The following TEX9 variants were observed in gnomAD, a reference collection of about 807,000 sequenced individuals.
TEX9 encodes testis-expressed protein 9.
A neutral mutation model predicts 59.6 loss-of-function variants in TEX9; 74 were observed. The observed-to-expected ratio is 1.24, with a 90% confidence interval of 1.03 to 1.51. The LOEUF is 1.51. Among genes scored for constraint, TEX9 ranks in the 40% most tolerant of loss-of-function variants. The pLI, the probability that TEX9 is intolerant of heterozygous loss-of-function variation, is 0.00. For missense variants in TEX9, 522 were observed against 447.8 expected, an observed-to-expected ratio of 1.17 and a Z score of -1.49; for synonymous variants, 186 against 152.2, an observed-to-expected ratio of 1.22 and a Z score of -1.64.
At chr15:56,423,498 CTCT>C (rs1368944464) in intron 10 of TEX9, among the ~76,000 whole-genome samples, 1 of 152,094 alleles carries the variant, frequency 6.6e-6, no homozygotes, top group Non-Finnish European at 1.5e-5. Context: ...AAACTGTATT[CTCT>C]TATTTTTTTC....
At chr15:56,394,871 G>A (rs368059447) in intron 9 of TEX9, 37 bp downstream of exon 9, 37 of 1,573,860 alleles carry the variant, frequency 2.4e-5, no homozygotes, top group Admixed American at 2.3e-4. Flanking sequence ...TAATGCCACA[G>A]ATACAAGAAA....
intron 12 of TEX9, chr15:56,444,742 C>T (rs2050878856): frequency 8.1e-7 from 1 of 1,242,008 alleles, no homozygotes; most frequent in African/African-American, 1.5e-5. Context: ...TATTTTACAC[C>T]AATGTTATTG....
At chr15:56,269,693 C>T (rs1364607880) in intron 1 of TEX9, among the ~76,000 whole-genome samples, 1 of 146,002 alleles carries the variant, frequency 6.8e-6, no homozygotes, top group African/African-American at 2.6e-5. Flanking sequence ...CGCTCTGTCT[C>T]CCAGGCTGGA....
At chr15:56,459,726 G>A in the TEX9 span, among the ~76,000 whole-genome samples, 2 of 151,938 alleles carry the variant, frequency 1.3e-5, no homozygotes, top group East Asian at 1.9e-4. Flanking sequence ...GCTCATGCCT[G>A]TAATCCACTT....
intron 1 of TEX9, among the ~76,000 whole-genome samples, chr15:56,313,453 A>T (rs375430793): frequency 0.07 from 10,133 of 145,622 alleles, 478 homozygotes; most frequent in Non-Finnish European, 0.1. Context: ...GATTACATTT[A>T]TTGATTTGCG....
downstream of TEX9, among the ~76,000 whole-genome samples, chr15:56,449,086 A>G (rs2050929294): frequency 6.6e-6 from 1 of 152,184 alleles, no homozygotes; most frequent in Admixed American, 6.5e-5. Context: ...TTCTACACAT[A>G]CAATCATATC....
chr15:56,399,385 G>A (rs1179960348), intron 9 of TEX9, among the ~76,000 whole-genome samples: 1 of 152,228 alleles, frequency 6.6e-6, no homozygotes, highest in Non-Finnish European at 1.5e-5. Context: ...ATCGAACTGC[G>A]AGGTGGCAGC....
intron 1 of TEX9, among the ~76,000 whole-genome samples, chr15:56,247,586 T>C (rs1452630383): frequency 2.0e-5 from 3 of 152,124 alleles, no homozygotes; most frequent in Non-Finnish European, 4.4e-5. Flanking sequence ...GTTGACTCTG[T>C]GATCAGATCC....
intron 1 of TEX9, among the ~76,000 whole-genome samples, chr15:56,330,785 G>A (rs1171211625): frequency 4.6e-5 from 7 of 151,946 alleles, no homozygotes; most frequent in East Asian, 1.9e-4. Context: ...AAAAAAAATG[G>A]TTGGAGTAAG....
chr15:56,274,943 G>T (rs1047721784), intron 1 of TEX9, among the ~76,000 whole-genome samples: 2 of 152,104 alleles, frequency 1.3e-5, no homozygotes, highest in East Asian at 3.9e-4. Context: ...AGCCTTCCCT[G>T]TGTTCCTGAG....
At chr15:56,266,201 A>G (rs2044378170) in intron 1 of TEX9, among the ~76,000 whole-genome samples, 1 of 151,642 alleles carries the variant, frequency 6.6e-6, no homozygotes, top group Non-Finnish European at 1.5e-5. Flanking sequence ...GTCTTGGCTT[A>G]CTGCAACCTC....
chr15:56,439,922 T>TTGCTCTAAGAAAAATCG (rs1285339486), intron 12 of TEX9, among the ~76,000 whole-genome samples: 1 of 152,008 alleles, frequency 6.6e-6, no homozygotes, highest in Non-Finnish European at 1.5e-5. Flanking sequence ...TGGAGAACAT[T>TTGCTCTAAGAAAAATCG]TGCTCTAAGA....
intron 1 of TEX9, among the ~76,000 whole-genome samples, chr15:56,285,641 C>G (rs539295249): frequency 6.6e-6 from 1 of 152,232 alleles, no homozygotes; most frequent in Non-Finnish European, 1.5e-5. Context: ...TCCTTAAAAT[C>G]TTTTCAGTTC....
At chr15:56,319,121 T>C (rs2045845968) in intron 1 of TEX9, among the ~76,000 whole-genome samples, 1 of 152,058 alleles carries the variant, frequency 6.6e-6, no homozygotes, top group African/African-American at 2.4e-5. Flanking sequence ...TTTAAAAATC[T>C]GTATCATCCA....
intron 1 of TEX9, among the ~76,000 whole-genome samples, chr15:56,284,651 C>CG (rs2044902265): frequency 6.6e-6 from 1 of 152,188 alleles, no homozygotes; most frequent in East Asian, 1.9e-4. Flanking sequence ...AAACATGCCT[C>CG]TTTACCAGTA....
chr15:56,347,471 A>C (rs1777540017), intron 1 of TEX9, among the ~76,000 whole-genome samples: 1 of 152,102 alleles, frequency 6.6e-6, no homozygotes, highest in Non-Finnish European at 1.5e-5. Context: ...AAAGCAATTA[A>C]ATGGGATAAA....
intron 12 of TEX9, among the ~76,000 whole-genome samples, chr15:56,432,910 C>A (rs1319776903): frequency 6.6e-6 from 1 of 152,146 alleles, no homozygotes; most frequent in African/African-American, 2.4e-5. Flanking sequence ...TCTTCTCTTC[C>A]TACCGATTTT....
intron 12 of TEX9, chr15:56,429,438 A>C: frequency 2.8e-6 from 1 of 357,846 alleles, no homozygotes; most frequent in South Asian, 3.8e-5. Context: ...TTTCATAGGA[A>C]TCTGAGCTCT....
intron 3 of TEX9, among the ~76,000 whole-genome samples, chr15:56,379,969 G>T (rs1464329120): frequency 4.0e-5 from 6 of 151,386 alleles, no homozygotes; most frequent in Non-Finnish European, 5.9e-5. Context: ...ATGGGGTCTT[G>T]TTTTATCATC....
Sources: gnomAD v4.1 joint callset for allele counts (sites outside exome capture counted in the v4.1 genomes callset) on GRCh38, gnomAD v4.1.1 for gene constraint, MANE v1.5 for transcripts, NCBI Gene and HGNC (gene_info 2026-07-23, HGNC 2026-07-21) for gene names.